Variants in DDC observed in about 807,000 individuals in gnomAD.
DDC encodes dopa decarboxylase.
DDC carries 43 observed loss-of-function variants against 60.0 expected under a neutral mutation model. The ratio of observed to expected loss-of-function variants is 0.72; its 90% CI spans 0.56 to 0.92. The LOEUF (loss-of-function observed/expected upper bound fraction) is 0.92, where lower values mean the gene tolerates loss of function less well. Ranked by LOEUF, DDC falls within the 40% of genes least tolerant of loss-of-function variation. DDC has a pLI of 0.00. For synonymous variants in DDC, 232 were observed against 234.6 expected (o/e 0.99, Z 0.10); for missense variants, 573 against 620.2 (o/e 0.92, Z 0.81).
chr7:50,523,975 C>G (rs143941708), intron 6 of DDC, among the ~76,000 whole-genome samples: 1 of 152,106 alleles, frequency 6.6e-6, no homozygotes, highest in African/African-American at 2.4e-5. Flanking sequence ...TATCAGAAAA[C>G]AGCATTCAAC....
chr7:50,492,870 T>C (rs941701741), intron 9 of DDC: 3 of 1,577,016 alleles, frequency 1.9e-6, no homozygotes, highest in Non-Finnish European at 2.6e-6. Flanking sequence ...GCATCAGCTC[T>C]GCAGCGTCTG....
intron 1 of DDC, among the ~76,000 whole-genome samples, chr7:50,556,567 C>A (rs573790053): frequency 2.0e-5 from 3 of 152,296 alleles, no homozygotes; most frequent in East Asian, 1.9e-4. Context: ...AGGCACCACA[C>A]AAAACCATGA....
At chr7:50,525,944 T>A (rs897974750) in intron 6 of DDC, among the ~76,000 whole-genome samples, 3 of 150,244 alleles carry the variant, frequency 2.0e-5, no homozygotes, top group African/African-American at 7.4e-5. Flanking sequence ...AAGAGATATA[T>A]GGCAGTCTGC....
intron 5 of DDC, among the ~76,000 whole-genome samples, 175 bp from the exon 6 acceptor site, chr7:50,528,455 T>C (rs951790531): frequency 1.3e-5 from 2 of 152,184 alleles, no homozygotes; most frequent in Admixed American, 1.3e-4. Context: ...AGACCCCTTT[T>C]TTCCTGGAGT....
chr7:50,463,576 C>G (rs574414094), intron 13 of DDC, 145 bp from the exon 14 acceptor site: 2 of 722,550 alleles, frequency 2.8e-6, no homozygotes, highest in South Asian at 3.0e-5. Flanking sequence ...TACGATGTTA[C>G]AAAATTCAAC....
At chr7:50,472,331 C>T (rs2042552228) in intron 11 of DDC, among the ~76,000 whole-genome samples, 1 of 152,140 alleles carries the variant, frequency 6.6e-6, no homozygotes, top group Admixed American at 6.5e-5. Context: ...ACCCATTTGA[C>T]CCTCATTCAT....
chr7:50,564,730 C>A (rs2045396262), intron 1 of DDC, among the ~76,000 whole-genome samples: 1 of 152,172 alleles, frequency 6.6e-6, no homozygotes, highest in African/African-American at 2.4e-5. Context: ...GAAAGATCTT[C>A]TAATTCTCCT....
intron 6 of DDC, among the ~76,000 whole-genome samples, chr7:50,506,287 G>T (rs1474345651): frequency 6.6e-6 from 1 of 152,168 alleles, no homozygotes; most frequent in Admixed American, 6.5e-5. Context: ...TGATGATTTT[G>T]CATTTCAAAG....
chr7:50,484,306 T>C (rs1386818969), intron 9 of DDC, among the ~76,000 whole-genome samples: 2 of 152,234 alleles, frequency 1.3e-5, no homozygotes, highest in Non-Finnish European at 2.9e-5. Context: ...CTTATTGCTT[T>C]CTTCCTTTTA....
intron 1 of DDC, among the ~76,000 whole-genome samples, chr7:50,548,216 G>C (rs1167564183): frequency 1.3e-5 from 2 of 152,172 alleles, no homozygotes; most frequent in Non-Finnish European, 2.9e-5. Context: ...AATTAGGTCA[G>C]TTAGTAACAC....
chr7:50,499,165 G>A lies in DDC; in HGVS notation c.859C>T (p.Leu287Phe). The change falls in exon 8 of 15, where the codon CTT becomes TTT. Residue 287 changes from leucine to phenylalanine, a missense_variant. Transcript: ENST00000444124. ...GCACCTACCTCCACTCCATTCAGAAGGTGCCGGAACTCAGGGCAGATGAAT... is the reference window on the plus strand; with the variant it reads ...GCACCTACCTCCACTCCATTCAGAAAGTGCCGGAACTCAGGGCAGATGAAT... ...SAFICPEFRH[L>F]LNGVEFADSF... 1 of 1,613,894 alleles carries A rather than the reference G, an allele frequency of 6.2e-7. No homozygotes were observed. The highest frequency in any genetic ancestry group is 8.5e-7 in the Non-Finnish European group (1 of 1,179,846).
Position 50,538,018 on chromosome 7 carries a change from G to C in DDC, c.316-39C>G, listed in dbSNP as rs776127586. 6 of 1,614,002 alleles carry C rather than the reference G, an allele frequency of 3.7e-6. No individual in the cohort carries two copies. The Admixed American group carries it at 8.3e-5, about 22-fold the overall frequency. On this transcript the variant is annotated intron_variant, in intron 3 of 14. Coordinates refer to ENST00000444124, the MANE Select transcript of DDC (RefSeq NM_001082971.2). ...AGGGAAGGGATTAACCGAGGGCCAG[G>C]CATTGCAGAATTTGGGGGTCAGCAG...
At chr7:50,472,616 C>T (rs188866210) in intron 11 of DDC, among the ~76,000 whole-genome samples, 28 of 152,270 alleles carry the variant, frequency 1.8e-4, no homozygotes, top group African/African-American at 6.7e-4. Flanking sequence ...TCTGTCTCCT[C>T]CCCTATGAAA....
rs1218896783 is a variant in DDC, at chr7:50,476,618, A to G, written c.1041+6T>C. The G allele has an allele frequency of 7.4e-6, 12 of 1,611,906 alleles. No individual in the cohort carries two copies. The highest frequency in any genetic ancestry group is 9.3e-6 in the Non-Finnish European group (11 of 1,178,374). ...ATTTGAGATTACAGTGGAATCTCCC[A>G]CTTACCCGGTAGTCAGTGATAAGCC... is the stretch of plus-strand genomic sequence containing the variant. On this transcript the variant is annotated splice_donor_region_variant and intron_variant, in intron 11 of 14. Coordinates refer to ENST00000444124, the MANE Select transcript of DDC (RefSeq NM_001082971.2).
chr7:50,499,233 T>C lies in DDC; in HGVS notation c.791A>G (p.Glu264Gly), dbSNP rs758279066. The C allele has an allele frequency of 6.2e-7, 1 of 1,612,956 alleles. No homozygotes were observed. The highest frequency in any genetic ancestry group is 1.1e-5 in the South Asian group (1 of 91,008). ...LLEVGPICNKEDIWLHVDAAY... is the reference protein window; with the variant it reads ...LLEVGPICNKGDIWLHVDAAY... ...TGCATCAACGTGCAGCCATATGTCT[T>C]CCTTGTTGCCTAAAGTTCAGAATCA... The change falls in exon 8 of 15, where the codon GAA (glutamate) becomes GGA (glycine). Residue 264 changes from glutamate to glycine, a missense_variant. Physicochemically the swap from Glu to Gly is moderately conservative, Grantham distance 98. Transcript: ENST00000444124.
At chr7:50,543,774 A>C in intron 2 of DDC, 111 bp downstream of exon 2, 1 of 1,110,436 alleles carries the variant, frequency 9.0e-7, no homozygotes, top group Non-Finnish European at 1.4e-6. Context: ...TTTCTCTCCA[A>C]CCTGACTGCC....
intron 6 of DDC, among the ~76,000 whole-genome samples, chr7:50,522,810 T>G (rs538631729): frequency 5.5e-4 from 83 of 152,278 alleles, no homozygotes; most frequent in African/African-American, 2.0e-3. Context: ...ATAGTTCCAC[T>G]GGCTATACAG....
At chr7:50,467,500 A>G (rs1460117223) in intron 12 of DDC, among the ~76,000 whole-genome samples, 185 bp from the exon 13 acceptor site, 1 of 152,216 alleles carries the variant, frequency 6.6e-6, no homozygotes, top group Non-Finnish European at 1.5e-5. Flanking sequence ...CATTCCCTAC[A>G]TTAGCACAGG....
chr7:50,518,340 C>A (rs1234568926), intron 6 of DDC, among the ~76,000 whole-genome samples: 3 of 151,910 alleles, frequency 2.0e-5, no homozygotes, highest in Non-Finnish European at 4.4e-5. Context: ...GCAATGCAAT[C>A]CCCATCAAAA....
Sources: gnomAD v4.1 joint callset for allele counts (sites outside exome capture counted in the v4.1 genomes callset) on GRCh38, gnomAD v4.1.1 for gene constraint, MANE v1.5 for transcripts, NCBI Gene and HGNC (gene_info 2026-07-23, HGNC 2026-07-21) for gene names.